Variants in SEC61B observed in about 807,000 individuals in gnomAD.
SEC61B encodes the protein SEC61 translocon subunit beta.
In SEC61B, 7 loss-of-function variants were observed where a neutral mutation model predicts 12.6. The observed-to-expected ratio is 0.55, with a 90% CI of 0.32 to 1.04. SEC61B has a LOEUF of 1.04. SEC61B is among the 50% of genes least tolerant of loss of function. The pLI, the probability that SEC61B is intolerant of heterozygous loss-of-function variation, is 0.05. For synonymous variants in SEC61B, 54 were observed against 50.1 expected, an observed-to-expected ratio of 1.08 and a Z score of -0.33; for missense variants, 107 against 130.1, an observed-to-expected ratio of 0.82 and a Z score of 0.86.
At chr9:99,222,683 A>G in intron 2 of SEC61B, 40 bp downstream of exon 2, 2 of 1,379,114 alleles carry the variant, frequency 1.5e-6, no homozygotes, top group South Asian at 1.4e-5. Context: ...AGACTCGGAG[A>G]TAGGACCCAG....
intron 3 of SEC61B, 64 bp from the exon 4 acceptor site, chr9:99,230,273 A>G (rs1214313501): frequency 1.0e-6 from 1 of 1,004,358 alleles, no homozygotes; most frequent in Non-Finnish European, 1.5e-6. Flanking sequence ...GGCAATCTTT[A>G]GTATTGCAGA....
intron 3 of SEC61B, 111 bp downstream of exon 3, chr9:99,228,111 C>A (rs2119021440): frequency 2.6e-6 from 2 of 768,286 alleles, no homozygotes; most frequent in Middle Eastern, 2.4e-4. Context: ...TTACTGTACA[C>A]AACAGCCTCA....
At chr9:99,225,737 C>A (rs1828886208) in intron 2 of SEC61B, among the ~76,000 whole-genome samples, 1 of 152,166 alleles carries the variant, frequency 6.6e-6, no homozygotes, top group African/African-American at 2.4e-5. Flanking sequence ...TTCAAATACT[C>A]TTCTATGTTC....
rs1476640881 is a variant in SEC61B, at chr9:99,222,528, G to C, written c.4-18G>C. On this transcript the variant is annotated intron_variant, in intron 1 of 3. Coordinates refer to ENST00000223641, the MANE Select transcript of SEC61B (RefSeq NM_006808.3). The stretch of plus-strand genomic sequence containing the variant: ...GCCTGCCGCGCTCACCCGTCTGTCT[G>C]CTTGTCTCCCTCTACAGCCTGGTCC... 6.2e-7 allele frequency: 1 copy of C among 1,601,040 alleles called. No homozygotes were observed. Among genetic ancestry groups the C allele is most frequent in the Non-Finnish European group, 8.5e-7 (1 of 1,172,916 alleles).
At chr9:99,224,398 CAT>C (rs1159939866) in intron 2 of SEC61B, among the ~76,000 whole-genome samples, 1 of 152,066 alleles carries the variant, frequency 6.6e-6, no homozygotes, top group Non-Finnish European at 1.5e-5. Flanking sequence ...GAATGGAAAA[CAT>C]GTCCTGTGGG....
chr9:99,227,316 A>G (rs1484043866), intron 2 of SEC61B, among the ~76,000 whole-genome samples: 1 of 151,758 alleles, frequency 6.6e-6, no homozygotes, highest in Non-Finnish European at 1.5e-5. Flanking sequence ...CACATAACAA[A>G]GTAATTTTTT....
Position 99,227,945 on chromosome 9 carries a change from G to A in SEC61B, c.148G>A (p.Ala50Thr), listed in dbSNP as rs201273722. The change falls in exon 3 of 4, where the codon GCA becomes ACA. Residue 50 changes from alanine (A) to threonine (T), a missense_variant. Ala to Thr is a moderately conservative substitution (Grantham distance 58). Transcript: ENST00000223641. The part of the protein sequence containing the change: ...GTRSAGRTTS[A>T]GTGGMWRFYT... ...AAGGAGTGCAGGCCGCACAACCTCG[G>A]CAGGCACCGGGGGGATGTGGCGATT... 1 of 1,614,042 alleles carries A rather than the reference G, an allele frequency of 6.2e-7. No homozygotes were observed. The highest frequency in any genetic ancestry group is 2.2e-5 in the East Asian group (1 of 44,880).
intron 3 of SEC61B, among the ~76,000 whole-genome samples, chr9:99,228,452 C>T (rs1828924871): frequency 6.6e-6 from 1 of 152,186 alleles, no homozygotes; most frequent in South Asian, 2.1e-4. Flanking sequence ...ACCAGGAGTT[C>T]CTTGGCCTCT....
chr9:99,230,126 T>G (rs1469851882), intron 3 of SEC61B, among the ~76,000 whole-genome samples: 1 of 152,244 alleles, frequency 6.6e-6, no homozygotes, highest in Non-Finnish European at 1.5e-5. Context: ...CTCATCCTTT[T>G]TAAACACAAT....
At position 99,222,757 on chromosome 9, in the gene SEC61B, C is replaced by T. The variant is rs956222974; in HGVS notation, c.101+114C>T. On this transcript the variant is annotated intron_variant, in intron 2 of 3. Transcript: ENST00000223641. ...AGATTGACAAAGGCAAAATGAGCTT[C>T]TAGTGACGTGGCCGTGGGAGTAGTT... is the stretch of plus-strand genomic sequence containing the variant. 7 of 746,032 alleles carry T rather than the reference C, an allele frequency of 9.4e-6. No homozygotes were observed. In the Admixed American group the frequency reaches 9.7e-5, roughly 10 times the overall value. The allele number at this position is 746,032 out of a possible 1,614,324, so 46.2% of individuals were successfully genotyped here.
At chr9:99,226,577 G>A (rs59235761) in intron 2 of SEC61B, among the ~76,000 whole-genome samples, 6,524 of 152,196 alleles carry the variant, frequency 0.043, 447 homozygotes, top group African/African-American at 0.15. Flanking sequence ...TCCCCACTAG[G>A]ACTTCTGAGT....
At position 99,230,370 on chromosome 9, in the gene SEC61B, G is replaced by A. The variant is rs771291676; in HGVS notation, c.237G>A (p.Leu79=). Residue 79 remains leucine, a synonymous_variant, in exon 4 of 4, where the codon CTG becomes CTA. Transcript: ENST00000223641. ...TTCCAGTATTGGTTATGAGTCTTCT[G>A]TTCATCGCTTCTGTATTTATGTTGC... ...GPVPVLVMSL[L]FIASVFMLHI... 6.2e-7 allele frequency: 1 copy of A among 1,611,374 alleles called. No homozygotes were observed. Among genetic ancestry groups the A allele is most frequent in the East Asian group, 2.2e-5 (1 of 44,768 alleles).
chr9:99,226,916 C>T (rs1390143620), intron 2 of SEC61B, among the ~76,000 whole-genome samples: 1 of 152,100 alleles, frequency 6.6e-6, no homozygotes, highest in African/African-American at 2.4e-5. Flanking sequence ...TTGGGTGTTC[C>T]CTGCGTTTTT....
rs747974338 is a variant in SEC61B, at chr9:99,222,561, A to C, written c.19A>C (p.Ser7Arg). 1 of 1,576,894 alleles carries C rather than the reference A, an allele frequency of 6.3e-7. No individual in the cohort carries two copies. Among genetic ancestry groups the C allele is most frequent in the East Asian group, 2.4e-5 (1 of 42,490 alleles). Residue 7 changes from serine to arginine, a missense_variant, in exon 2 of 4, where the codon AGT (serine) becomes CGT (arginine). Physicochemically the swap from Ser to Arg is moderately radical, Grantham distance 110. Coordinates refer to ENST00000223641, the MANE Select transcript of SEC61B (RefSeq NM_006808.3). MPGPTP[S>R]GTNVGSSGRS... is the part of the protein sequence containing the mutation. ...CCCTCTACAGCCTGGTCCGACCCCC[A>C]GTGGCACTAACGTGGGATCCTCAGG...
At chr9:99,226,920 C>T (rs905396404) in intron 2 of SEC61B, among the ~76,000 whole-genome samples, 1 of 151,988 alleles carries the variant, frequency 6.6e-6, no homozygotes, top group African/African-American at 2.4e-5. Flanking sequence ...GTGTTCCCTG[C>T]GTTTTTTTTA....
chr9:99,226,736 G>A (rs933926271), intron 2 of SEC61B, among the ~76,000 whole-genome samples: 13 of 152,160 alleles, frequency 8.5e-5, no homozygotes, highest in African/African-American at 1.9e-4. Context: ...GGGGTTCCCC[G>A]GTGACTGAGG....
intron 2 of SEC61B, among the ~76,000 whole-genome samples, chr9:99,227,330 A>C (rs2119020455): frequency 6.6e-6 from 1 of 151,958 alleles, no homozygotes; most frequent in East Asian, 1.9e-4. Flanking sequence ...ATTTTTTATA[A>C]AGTGTATACT....
chr9:99,227,265 CAAA>C (rs59719935), intron 2 of SEC61B, among the ~76,000 whole-genome samples: 3 of 10,734 alleles, frequency 2.8e-4, no homozygotes, highest in African/African-American at 9.8e-4. Flanking sequence ...AACTCCATCT[CAAA>C]AAAAAAAAAA....
chr9:99,226,561 C>G (rs1408391601), intron 2 of SEC61B, among the ~76,000 whole-genome samples: 5 of 152,314 alleles, frequency 3.3e-5, no homozygotes, highest in Non-Finnish European at 5.9e-5. Flanking sequence ...TAGGCTTCCC[C>G]TCTCCTCCCC....
Sources: gnomAD v4.1 joint callset for allele counts (sites outside exome capture counted in the v4.1 genomes callset) on GRCh38, gnomAD v4.1.1 for gene constraint, MANE v1.5 for transcripts, NCBI Gene and HGNC (gene_info 2026-07-23, HGNC 2026-07-21) for gene names.